The following MCTP1 variants were observed in gnomAD, a reference collection of about 807,000 sequenced individuals.
The protein encoded by MCTP1 is multiple C2 and transmembrane domain-containing protein 1.
Under a neutral mutation model 120.6 loss-of-function variants are expected in MCTP1, and 69 were observed. The ratio of observed to expected loss-of-function variants is 0.57; its 90% CI spans 0.47 to 0.70. The LOEUF (loss-of-function observed/expected upper bound fraction) is 0.70, where lower values mean the gene tolerates loss of function less well. MCTP1 is among the 30% of genes least tolerant of loss of function. MCTP1 has a pLI of 0.00. For synonymous variants in MCTP1, 529 were observed against 493.1 expected (o/e 1.07, Z -0.96); for missense variants, 1,203 against 1,248.8 (o/e 0.96, Z 0.55).
intron 18 of MCTP1, among the ~76,000 whole-genome samples, chr5:94,779,705 T>C (rs1305380318): frequency 2.0e-5 from 3 of 152,204 alleles, no homozygotes; most frequent in African/African-American, 2.4e-5. Flanking sequence ...CTTTTTGATT[T>C]TGTGGATTAC....
chr5:95,168,276 C>T (rs921486089), intron 1 of MCTP1, among the ~76,000 whole-genome samples: 6 of 152,152 alleles, frequency 3.9e-5, no homozygotes, highest in African/African-American at 1.2e-4. Flanking sequence ...GGTACCAGTA[C>T]CATGCTGTTT....
At chr5:95,216,821 C>A (rs1174283890) in intron 1 of MCTP1, among the ~76,000 whole-genome samples, 1 of 152,188 alleles carries the variant, frequency 6.6e-6, no homozygotes, top group Non-Finnish European at 1.5e-5. Flanking sequence ...ACTGTCCCTT[C>A]CTGACTTACA....
intron 2 of MCTP1, among the ~76,000 whole-genome samples, chr5:95,000,391 G>T (rs1467037839): frequency 1.3e-5 from 2 of 152,052 alleles, no homozygotes; most frequent in Non-Finnish European, 2.9e-5. Context: ...GGTCCTTCAG[G>T]AGGTATTCCA....
At chr5:95,265,658 TG>T (rs1242153916) in intron 1 of MCTP1, among the ~76,000 whole-genome samples, 1 of 152,220 alleles carries the variant, frequency 6.6e-6, no homozygotes, top group Admixed American at 6.5e-5. Context: ...ATTAAGCCTC[TG>T]TATTTATCTC....
At chr5:95,237,519 G>A (rs1755685750) in intron 1 of MCTP1, among the ~76,000 whole-genome samples, 1 of 152,092 alleles carries the variant, frequency 6.6e-6, no homozygotes, top group East Asian at 1.9e-4. Flanking sequence ...CTCCTGGGTG[G>A]CTACTTGCTG....
chr5:95,136,867 T>C (rs1399275928), intron 1 of MCTP1, among the ~76,000 whole-genome samples: 3 of 152,160 alleles, frequency 2.0e-5, no homozygotes, highest in Admixed American at 6.5e-5. Flanking sequence ...TGCCTTTCAG[T>C]CAACAAAGAG....
rs11446943 is a variant in MCTP1 at position 94,764,005 on chromosome 5, A to AT, written c.2610+15104dup. Among the ~76,000 whole-genome samples the AT allele has an allele frequency of 9.8e-3, 1,486 of 152,092 alleles. 26 individuals carry two copies. Among genetic ancestry groups the AT allele is most frequent in the African/African-American group, 0.034 (1,401 of 41,494 alleles). On this transcript the variant is annotated intron_variant, in intron 19 of 22. Coordinates refer to ENST00000515393, the MANE Select transcript of MCTP1 (RefSeq NM_024717.7). ...TCATAGAGGCTTATAATCGAGATTT[A>AT]TTTTTTTTGTTTACACTACATGTCC...
At chr5:95,194,821 A>C (rs1750202868) in intron 1 of MCTP1, among the ~76,000 whole-genome samples, 1 of 152,202 alleles carries the variant, frequency 6.6e-6, no homozygotes, top group South Asian at 2.1e-4. Flanking sequence ...TTCCAAACAC[A>C]CAGAATAGCA....
chr5:94,953,262 G>A lies in MCTP1; in HGVS notation c.938C>T (p.Ala313Val), dbSNP rs988468779. Residue 313 changes from alanine to valine, a missense_variant, in exon 3 of 23, where the codon GCT becomes GTT. This residue lies in a region of MCTP1 where 740 missense variants were observed against 871.1 expected (regional missense o/e 0.85). Coordinates refer to ENST00000515393, the MANE Select transcript of MCTP1 (RefSeq NM_024717.7). ...KNLNPVWEEK[A>V]CILVDHLREP... ...CCTAAGATGATCAACCAGAATACAA[G>A]CTTTTTCTTCCCACACAGGGTTGAG... 2.6e-5 allele frequency: 42 copies of A among 1,612,350 alleles called. No homozygotes were observed. The Admixed American group carries it at 5.3e-4, about 21-fold the overall frequency.
intron 19 of MCTP1, among the ~76,000 whole-genome samples, chr5:94,740,716 T>G (rs545984623): frequency 3.7e-4 from 57 of 152,290 alleles, no homozygotes; most frequent in Admixed American, 2.6e-3. Flanking sequence ...TATTTCCGAG[T>G]GCCAACTGTG....
chr5:94,958,606 G>A (rs1379533883), intron 2 of MCTP1, among the ~76,000 whole-genome samples: 1 of 152,120 alleles, frequency 6.6e-6, no homozygotes, highest in African/African-American at 2.4e-5. Context: ...ATATCCCACA[G>A]AAATAGAAAC....
At chr5:94,983,905 G>A (rs1829987624) in intron 2 of MCTP1, among the ~76,000 whole-genome samples, 2 of 152,138 alleles carry the variant, frequency 1.3e-5, no homozygotes, top group African/African-American at 4.8e-5. Flanking sequence ...AGGGGCAAAT[G>A]GATATTTTTG....
chr5:94,934,737 G>T (rs200138866), intron 5 of MCTP1, among the ~76,000 whole-genome samples: 8 of 136,578 alleles, frequency 5.9e-5, no homozygotes, highest in African/African-American at 8.1e-5. Flanking sequence ...AGATAAAGAA[G>T]TTTTTTTTTT....
intron 5 of MCTP1, 79 bp downstream of exon 5, chr5:94,940,005 A>T (rs1817180310): frequency 1.3e-6 from 1 of 744,966 alleles, no homozygotes; most frequent in Admixed American, 2.4e-5. Flanking sequence ...GCTTCTCTTT[A>T]TTATCATCTC....
chr5:95,147,892 T>C (rs1760544208), intron 1 of MCTP1, among the ~76,000 whole-genome samples: 1 of 152,236 alleles, frequency 6.6e-6, no homozygotes. Flanking sequence ...AAGGTTCATC[T>C]GGTGGTAACA....
intron 1 of MCTP1, among the ~76,000 whole-genome samples, chr5:95,213,183 A>AAT (rs1438892920): frequency 6.6e-6 from 1 of 152,166 alleles, no homozygotes; most frequent in African/African-American, 2.4e-5. Flanking sequence ...ATACAAAATC[A>AAT]GTGCACAAAA....
chr5:94,782,870 C>T (rs970416609), intron 18 of MCTP1, among the ~76,000 whole-genome samples: 2 of 152,098 alleles, frequency 1.3e-5, no homozygotes, highest in African/African-American at 4.8e-5. Flanking sequence ...AGAAAAGATA[C>T]ATTTACGAAG....
At chr5:95,194,964 G>A (rs571252548) in intron 1 of MCTP1, among the ~76,000 whole-genome samples, 1 of 152,266 alleles carries the variant, frequency 6.6e-6, no homozygotes, top group East Asian at 1.9e-4. Context: ...AGAAACTGCT[G>A]GAAAGCTTTC....
intron 1 of MCTP1, among the ~76,000 whole-genome samples, chr5:95,138,701 C>T (rs868120531): frequency 1.2e-4 from 18 of 152,136 alleles, no homozygotes; most frequent in Non-Finnish European, 1.8e-4. Flanking sequence ...CTCACTCCAC[C>T]GGCTGCTCCC....
Sources: gnomAD v4.1 joint callset for allele counts (sites outside exome capture counted in the v4.1 genomes callset) on GRCh38, gnomAD v4.1.1 for gene constraint, gnomAD v4.1.1 regional missense constraint, MANE v1.5 for transcripts, NCBI Gene and HGNC (gene_info 2026-07-23, HGNC 2026-07-21) for gene names.